CTNNA3: variants seen among roughly 807,000 people sequenced by gnomAD.
CTNNA3 encodes the protein catenin alpha 3.
CTNNA3 carries 76 observed loss-of-function variants against 95.7 expected under a neutral mutation model. The observed-to-expected ratio is 0.79, with a 90% confidence interval of 0.66 to 0.96. The LOEUF (loss-of-function observed/expected upper bound fraction) is 0.96, where lower values mean the gene tolerates loss of function less well. Ranked by LOEUF, CTNNA3 falls within the 40% of genes least tolerant of loss-of-function variation. CTNNA3 has a pLI of 0.00. For missense variants in CTNNA3, 1,191 were observed against 1,089.8 expected, an observed-to-expected ratio of 1.09 and a Z score of -1.31; for synonymous variants, 431 against 374.4, an observed-to-expected ratio of 1.15 and a Z score of -1.74.
At chr10:67,229,103 CA>C (rs1865069871) in intron 5 of CTNNA3, among the ~76,000 whole-genome samples, 1 of 152,050 alleles carries the variant, frequency 6.6e-6, no homozygotes, top group Non-Finnish European at 1.5e-5. Context: ...AAAAACATAT[CA>C]AAAAGATAAT....
At chr10:66,924,087 T>C (rs555736950) in intron 7 of CTNNA3, among the ~76,000 whole-genome samples, 84 of 152,294 alleles carry the variant, frequency 5.5e-4, no homozygotes, top group African/African-American at 1.8e-3. Flanking sequence ...TCAGAGACTA[T>C]TGAAAAGCAC....
At chr10:67,004,090 T>TA (rs533856596) in intron 7 of CTNNA3, among the ~76,000 whole-genome samples, 35 of 145,466 alleles carry the variant, frequency 2.4e-4, no homozygotes, top group South Asian at 4.4e-4. Flanking sequence ...ATTTTGATGT[T>TA]AAAAAAAAAA....
rs760360009 is a variant in CTNNA3, at chr10:67,647,442, C to G, written c.72G>C (p.Glu24Asp). 6.2e-7 allele frequency: 1 copy of G among 1,613,306 alleles called. No homozygotes were observed. Among genetic ancestry groups the G allele is most frequent in the Non-Finnish European group, 8.5e-7 (1 of 1,179,492 alleles). Reference protein sequence around the residue: ...QDLQVQTFTVEKLLEPLIIQV... With the variant: ...QDLQVQTFTVDKLLEPLIIQV... ...GGATTATGAGAGGCTCCAGTAGCTT[C>G]TCCACGGTGAATGTTTGGACCTGCA... Residue 24 changes from glutamate (E) to aspartate (D), a missense_variant, in exon 2 of 18, where the codon GAG becomes GAC. Physicochemically the swap from Glu to Asp is conservative, Grantham distance 45 (BLOSUM62 2). Transcript: ENST00000433211.
At chr10:66,295,717 G>C (rs531018851) in intron 12 of CTNNA3, among the ~76,000 whole-genome samples, 2 of 152,164 alleles carry the variant, frequency 1.3e-5, no homozygotes, top group South Asian at 2.1e-4. Flanking sequence ...TACAAAATAG[G>C]CTCCCTCCTG....
chr10:66,936,291 A>G (rs989018500), intron 7 of CTNNA3, among the ~76,000 whole-genome samples: 2 of 152,136 alleles, frequency 1.3e-5, no homozygotes, highest in South Asian at 4.1e-4. Context: ...AAAATAGCCA[A>G]AAGCTCACAT....
chr10:67,194,973 T>G (rs979443204), intron 6 of CTNNA3, among the ~76,000 whole-genome samples: 3 of 151,994 alleles, frequency 2.0e-5, no homozygotes, highest in African/African-American at 7.2e-5. Flanking sequence ...ATACTAATAT[T>G]CCCTATAAGG....
chr10:66,216,591 C>T (rs1423249857), intron 13 of CTNNA3, among the ~76,000 whole-genome samples: 1 of 152,164 alleles, frequency 6.6e-6, no homozygotes, highest in African/African-American at 2.4e-5. Flanking sequence ...TTTTAAAAAA[C>T]TAACATAAAA....
chr10:66,212,242 G>A (rs1034108433), intron 13 of CTNNA3, among the ~76,000 whole-genome samples: 5 of 151,882 alleles, frequency 3.3e-5, no homozygotes, highest in Admixed American at 6.6e-5. Context: ...CACCCACCTC[G>A]GCCTCCCAAA....
At chr10:67,273,477 G>T (rs1203820468) in intron 5 of CTNNA3, among the ~76,000 whole-genome samples, 2 of 152,134 alleles carry the variant, frequency 1.3e-5, no homozygotes, top group Non-Finnish European at 2.9e-5. Flanking sequence ...ACATTAGTCA[G>T]TCAGAGGGTA....
At chr10:66,277,303 T>G (rs2091418343) in intron 13 of CTNNA3, among the ~76,000 whole-genome samples, 1 of 152,230 alleles carries the variant, frequency 6.6e-6, no homozygotes, top group Middle Eastern at 3.4e-3. Context: ...TCATAAAAAT[T>G]TAGACATAAA....
chr10:66,384,633 T>G (rs2092873366), intron 11 of CTNNA3, among the ~76,000 whole-genome samples: 2 of 152,180 alleles, frequency 1.3e-5, no homozygotes, highest in Admixed American at 1.3e-4. Flanking sequence ...ATCAACAGAA[T>G]ATACATTATT....
chr10:66,767,208 G>A (rs567765039), intron 8 of CTNNA3, among the ~76,000 whole-genome samples: 78 of 152,036 alleles, frequency 5.1e-4, no homozygotes, highest in African/African-American at 1.8e-3. Context: ...AGCACTTTGG[G>A]AGGCCAAGGC....
intron 9 of CTNNA3, among the ~76,000 whole-genome samples, chr10:66,748,367 TG>T (rs1251162244): frequency 6.6e-6 from 1 of 152,192 alleles, no homozygotes; most frequent in Non-Finnish European, 1.5e-5. Context: ...AGTTAAAAAT[TG>T]TTCCATTTTT....
chr10:66,531,069 C>A (rs1056916594), intron 10 of CTNNA3, among the ~76,000 whole-genome samples: 16 of 152,118 alleles, frequency 1.1e-4, no homozygotes, highest in Admixed American at 1.0e-3. Flanking sequence ...ACATGAAAAT[C>A]AAAACATTTA....
At chr10:67,352,693 C>T (rs549716984) in intron 5 of CTNNA3, among the ~76,000 whole-genome samples, 1 of 152,034 alleles carries the variant, frequency 6.6e-6, no homozygotes, top group South Asian at 2.1e-4. Flanking sequence ...ACTATTGCTC[C>T]AGTACTCTCA....
chr10:66,360,820 T>TTC (rs2092664698), intron 12 of CTNNA3, among the ~76,000 whole-genome samples: 4 of 56,560 alleles, frequency 7.1e-5, no homozygotes, highest in African/African-American at 5.0e-4. Context: ...TTCCTTCCTT[T>TTC]CTTTCTTTCT....
chr10:67,060,489 C>T (rs1218655215), intron 7 of CTNNA3, among the ~76,000 whole-genome samples: 1 of 152,168 alleles, frequency 6.6e-6, no homozygotes, highest in Non-Finnish European at 1.5e-5. Flanking sequence ...AATAGCCATG[C>T]TCATCAAATA....
intron 10 of CTNNA3, among the ~76,000 whole-genome samples, chr10:66,526,735 G>A (rs962571048): frequency 2.0e-5 from 3 of 151,958 alleles, no homozygotes; most frequent in Non-Finnish European, 4.4e-5. Flanking sequence ...GCTTATTGAC[G>A]AACTGTTTAT....
At chr10:66,721,707 C>T (rs1179963921) in intron 9 of CTNNA3, among the ~76,000 whole-genome samples, 2 of 152,148 alleles carry the variant, frequency 1.3e-5, no homozygotes, top group African/African-American at 2.4e-5. Flanking sequence ...ACCATAAAAA[C>T]AGAAGGTGGG....
Sources: gnomAD v4.1 joint callset for allele counts (sites outside exome capture counted in the v4.1 genomes callset) on GRCh38, gnomAD v4.1.1 for gene constraint, MANE v1.5 for transcripts, NCBI Gene and HGNC (gene_info 2026-07-23, HGNC 2026-07-21) for gene names.